ARPC1B: variants seen among roughly 807,000 people sequenced by gnomAD.
The protein encoded by ARPC1B is actin-related protein 2/3 complex subunit 1B.
Under a neutral mutation model 46.0 loss-of-function variants are expected in ARPC1B, and 29 were observed. The ratio of observed to expected loss-of-function variants is 0.63; its 90% CI spans 0.47 to 0.86. The LOEUF is 0.86. Ranked by LOEUF, ARPC1B falls within the 40% of genes least tolerant of loss-of-function variation. The pLI, the probability that ARPC1B is intolerant of heterozygous loss-of-function variation, is 0.00. For missense variants in ARPC1B, 469 were observed against 529.4 expected (o/e 0.89, Z 1.12); for synonymous variants, 201 against 213.9 (o/e 0.94, Z 0.53).
chr7:99,392,838 G>A lies in ARPC1B; in HGVS notation c.951G>A (p.Ala317=). 1 of 1,549,926 alleles carries A rather than the reference G, an allele frequency of 6.5e-7. No homozygotes were observed. The highest frequency in any genetic ancestry group is 8.7e-7 in the Non-Finnish European group (1 of 1,146,710). Residue 317 remains alanine (A), a synonymous_variant, in exon 8 of 10, where the codon GCG becomes GCA. Transcript: ENST00000646101. ...KKASSEGGTA[A]GAGLDSLHKN... ...CGAGCTCCGAGGGTGGCACGGCTGC[G>A]GGCGCGGGCCTAGACTCGCTGCACA...
At chr7:99,391,814 G>A (rs1421909309) in intron 7 of ARPC1B, among the ~76,000 whole-genome samples, 1 of 151,360 alleles carries the variant, frequency 6.6e-6, no homozygotes, top group Non-Finnish European at 1.5e-5. Flanking sequence ...CAATTTGGGA[G>A]GCCAAGGAGG....
intron 1 of ARPC1B, among the ~76,000 whole-genome samples, chr7:99,375,616 C>G (rs1429194427): frequency 1.3e-5 from 2 of 152,340 alleles, no homozygotes; most frequent in East Asian, 3.9e-4. Context: ...GCCAATGCAG[C>G]CCGGAGGCTA....
chr7:99,387,503 G>A (rs1403476338), intron 3 of ARPC1B, among the ~76,000 whole-genome samples: 3 of 151,968 alleles, frequency 2.0e-5, no homozygotes, highest in African/African-American at 4.8e-5. Context: ...TTTGGGAGGC[G>A]GAGGCGGGCG....
chr7:99,394,572 A>AT lies in ARPC1B; in HGVS notation c.*84dup. On this transcript the variant is annotated 3_prime_UTR_variant, in exon 10 of 10. Coordinates refer to ENST00000646101, the MANE Select transcript of ARPC1B (RefSeq NM_005720.4). ...GGGAGGCTAATGGTTGCTTTGCTGA[A>AT]TGTTTCTGGGGTACCAATACGAGTT... The AT allele has an allele frequency of 6.2e-7, 1 of 1,607,402 alleles. No homozygotes were observed.
At chr7:99,385,908 C>A in intron 2 of ARPC1B, 130 bp downstream of exon 2, 1 of 962,386 alleles carries the variant, frequency 1.0e-6, no homozygotes, top group Non-Finnish European at 1.5e-6. Flanking sequence ...GTCCCCTGGC[C>A]TCACCCCTGG....
In ARPC1B at chr7:99,385,632, G is replaced by T. The variant is rs544839342; in HGVS notation, c.-13-70G>T. On this transcript the variant is annotated intron_variant, in intron 1 of 9. Coordinates refer to ENST00000646101, the MANE Select transcript of ARPC1B (RefSeq NM_005720.4). Reference sequence around the variant, plus strand: ...GTGAGGCCTGTGAGGATCATCTGGGGCCTGGTATGGGTGAAGTCAGGGGCA... The same window carrying T: ...GTGAGGCCTGTGAGGATCATCTGGGTCCTGGTATGGGTGAAGTCAGGGGCA... 3.7e-6 allele frequency: 5 copies of T among 1,349,972 alleles called. No homozygotes were observed. The African/African-American group carries it at 7.1e-5, about 19-fold the overall frequency. The allele number at this position is 1,349,972 out of a possible 1,614,324, so 83.6% of individuals were successfully genotyped here.
chr7:99,383,715 A>G (rs1292086832), intron 1 of ARPC1B, among the ~76,000 whole-genome samples: 1 of 152,214 alleles, frequency 6.6e-6, no homozygotes, highest in Non-Finnish European at 1.5e-5. Flanking sequence ...ATCTGGGGGA[A>G]GAGTGTCACA....
At chr7:99,380,264 G>T (rs1011869903) in intron 1 of ARPC1B, among the ~76,000 whole-genome samples, 1 of 151,966 alleles carries the variant, frequency 6.6e-6, no homozygotes, top group Non-Finnish European at 1.5e-5. Flanking sequence ...GGCAGCATTG[G>T]CTGAGAGAAG....
At chr7:99,393,942 G>T (rs568095291) in intron 8 of ARPC1B, 87 bp from the exon 9 acceptor site, 8 of 1,354,682 alleles carry the variant, frequency 5.9e-6, no homozygotes, top group Non-Finnish European at 7.3e-6. Flanking sequence ...CGCTCCCCAA[G>T]AAGTCTGGGA....
At chr7:99,379,272 C>A (rs1794133660) in intron 1 of ARPC1B, among the ~76,000 whole-genome samples, 1 of 152,084 alleles carries the variant, frequency 6.6e-6, no homozygotes, top group Non-Finnish European at 1.5e-5. Flanking sequence ...TTTAATGGTA[C>A]CTTACGATTG....
intron 8 of ARPC1B, among the ~76,000 whole-genome samples, chr7:99,393,279 G>A (rs188560684): frequency 2.2e-3 from 341 of 152,340 alleles, no homozygotes; most frequent in African/African-American, 7.8e-3. Context: ...GACACGGTGC[G>A]ACCGACATAA....
In ARPC1B at chr7:99,392,793, C is replaced by G; in HGVS notation, c.906C>G (p.Phe302Leu). Residue 302 changes from phenylalanine (F) to leucine (L), a missense_variant, in exon 8 of 10, where the codon TTC becomes TTG. Coordinates refer to ENST00000646101, the MANE Select transcript of ARPC1B (RefSeq NM_005720.4). Reference sequence around the variant, plus strand: ...GTGGCTTGACGGCCCGCGAGCGCTTCCAGAACCTGGACAAGAAGGCGAGCT... The same window carrying G: ...GTGGCTTGACGGCCCGCGAGCGCTTGCAGAACCTGGACAAGAAGGCGAGCT... ...SQRGLTARER[F>L]QNLDKKASSE... 2 of 1,550,046 alleles carry G rather than the reference C, an allele frequency of 1.3e-6. No individual in the cohort carries two copies. The highest frequency in any genetic ancestry group is 1.7e-6 in the Non-Finnish European group (2 of 1,146,766).
Position 99,374,834 on chromosome 7 carries a change from TGGG to T in ARPC1B, c.-14+58_-14+60del, listed in dbSNP as rs1028500787. On this transcript the variant is annotated intron_variant, in intron 1 of 9. Coordinates refer to ENST00000646101, the MANE Select transcript of ARPC1B (RefSeq NM_005720.4). This position sits in a 1 kb window ranked among gnomAD's most constrained non-coding sequence, Gnocchi z 5.0. Reference sequence around the variant, plus strand: ...GGGGGTCAGGGGAGCCACCTGGAGGTGGGGGGGCGCGTAGATGTGGGGCGCCGC... The same window carrying T: ...GGGGGTCAGGGGAGCCACCTGGAGGTGGGGCGCGTAGATGTGGGGCGCCGC... 4.0e-5 allele frequency: 5 copies of T among 124,306 alleles called. No individual in the cohort carries two copies. The highest frequency in any genetic ancestry group is 1.5e-4 in the African/African-American group (5 of 32,558). 7.7% of individuals were successfully genotyped at this position (124,306 alleles called of 1,614,324 possible).
chr7:99,382,552 C>T lies in ARPC1B; in HGVS notation c.-13-3150C>T, dbSNP rs1243220381. Among the ~76,000 whole-genome samples the T allele has an allele frequency of 2.6e-5, 4 of 152,188 alleles. No individual in the cohort carries two copies. The East Asian group carries it at 7.7e-4, about 29-fold the overall frequency. On this transcript the variant is annotated intron_variant, in intron 1 of 9. Coordinates refer to ENST00000646101, the MANE Select transcript of ARPC1B (RefSeq NM_005720.4). Reference sequence around the variant, plus strand: ...TGGTACAATCATAGCTCACTGCAGCCTCAAACTCCTAGGCTAAGCAATCCT... The same window carrying T: ...TGGTACAATCATAGCTCACTGCAGCTTCAAACTCCTAGGCTAAGCAATCCT...
chr7:99,383,201 C>G (rs1389845568), intron 1 of ARPC1B, among the ~76,000 whole-genome samples: 2 of 152,040 alleles, frequency 1.3e-5, no homozygotes, highest in Non-Finnish European at 2.9e-5. Flanking sequence ...GTGGCGTGAG[C>G]CTGTAGTCCC....
chr7:99,378,350 G>A (rs2150885697), intron 1 of ARPC1B, among the ~76,000 whole-genome samples: 1 of 151,624 alleles, frequency 6.6e-6, no homozygotes, highest in Non-Finnish European at 1.5e-5. Flanking sequence ...TGGGATTACA[G>A]GCGTGAGCCA....
In ARPC1B at chr7:99,394,101, G is replaced by A. The variant is rs776255282; in HGVS notation, c.1062G>A (p.Met354Ile). 3 of 1,613,494 alleles carry A rather than the reference G, an allele frequency of 1.9e-6. No individual in the cohort carries two copies. Among genetic ancestry groups the A allele is most frequent in the South Asian group, 1.1e-5 (1 of 91,090 alleles). Residue 354 changes from methionine to isoleucine, a missense_variant, in exon 9 of 10, where the codon ATG (methionine) becomes ATA (isoleucine). By Grantham distance (10) the Met-to-Ile change is conservative (BLOSUM62 1). Coordinates refer to ENST00000646101, the MANE Select transcript of ARPC1B (RefSeq NM_005720.4). Reference sequence around the variant, plus strand: ...GCACCACTGGCATGGATGGCGGCATGAGTATCTGGGATGTGAAGGTGAGGC... The same window carrying A: ...GCACCACTGGCATGGATGGCGGCATAAGTATCTGGGATGTGAAGGTGAGGC... ...QFCTTGMDGGMSIWDVKSLES... is the reference protein window; with the variant it reads ...QFCTTGMDGGISIWDVKSLES...
intron 4 of ARPC1B, chr7:99,389,079 G>A (rs191509869): frequency 1.3e-5 from 2 of 151,804 alleles, no homozygotes; most frequent in Non-Finnish European, 2.9e-5. Context: ...TGGGACTACA[G>A]GCACGCACCA....
At position 99,394,544 on chromosome 7, in the gene ARPC1B, T is replaced by C. The variant is rs1263513322; in HGVS notation, c.*55T>C. On this transcript the variant is annotated 3_prime_UTR_variant, in exon 10 of 10. Coordinates refer to ENST00000646101, the MANE Select transcript of ARPC1B (RefSeq NM_005720.4). Reference sequence around the variant, plus strand: ...GCTGCTGGGGAAGCGGGGAGAGGGGTCAGGGAGGCTAATGGTTGCTTTGCT... The same window carrying C: ...GCTGCTGGGGAAGCGGGGAGAGGGGCCAGGGAGGCTAATGGTTGCTTTGCT... 5 of 1,612,644 alleles carry C rather than the reference T, an allele frequency of 3.1e-6. No individual in the cohort carries two copies. Among genetic ancestry groups the C allele is most frequent in the Admixed American group, 3.3e-5 (2 of 59,874 alleles).
Sources: allele counts gnomAD v4.1 joint callset (sites outside exome capture counted in the v4.1 genomes callset), GRCh38; gene constraint gnomAD v4.1.1; non-coding constraint Gnocchi (gnomAD v3.1); transcripts MANE v1.5; gene names NCBI Gene and HGNC (gene_info 2026-07-23, HGNC 2026-07-21).